The following WWOX variants were observed in gnomAD, a reference collection of about 807,000 sequenced individuals.
The protein encoded by WWOX is WW domain-containing oxidoreductase.
In WWOX, 69 loss-of-function variants were observed where a neutral mutation model predicts 46.2. The ratio of observed to expected loss-of-function variants is 1.49; its 90% CI spans 1.23 to 1.82. The LOEUF (loss-of-function observed/expected upper bound fraction) is 1.82, where lower values mean the gene tolerates loss of function less well. Among genes scored for constraint, WWOX ranks in the 40% most tolerant of loss-of-function variants. WWOX has a pLI of 0.00. For missense variants in WWOX, 919 were observed against 542.6 expected, an observed-to-expected ratio of 1.69 and a Z score of -6.89; for synonymous variants, 359 against 202.6, an observed-to-expected ratio of 1.77 and a Z score of -6.56.
At chr16:78,301,841 C>A (rs898419922) in intron 5 of WWOX, among the ~76,000 whole-genome samples, 3 of 152,166 alleles carry the variant, frequency 2.0e-5, no homozygotes, top group Non-Finnish European at 2.9e-5. Flanking sequence ...GCCTTTCTTC[C>A]ACCTTCTTGG....
chr16:78,384,096 C>A, intron 5 of WWOX, among the ~76,000 whole-genome samples: 1 of 152,094 alleles, frequency 6.6e-6, no homozygotes, highest in Non-Finnish European at 1.5e-5. Context: ...GAATGTTCTT[C>A]CTGTTTTATG....
At chr16:79,110,309 C>A (rs925048197) in intron 8 of WWOX, among the ~76,000 whole-genome samples, 3 of 152,144 alleles carry the variant, frequency 2.0e-5, no homozygotes, top group Non-Finnish European at 2.9e-5. Flanking sequence ...TCTCCTCTTA[C>A]CTTTTTCTCC....
At chr16:78,248,384 T>G (rs555577404) in intron 5 of WWOX, among the ~76,000 whole-genome samples, 2 of 152,262 alleles carry the variant, frequency 1.3e-5, no homozygotes, top group Admixed American at 1.3e-4. Context: ...GCATGAGAAA[T>G]CTGTCCGCAT....
intron 8 of WWOX, among the ~76,000 whole-genome samples, chr16:79,090,699 C>T (rs929683961): frequency 5.9e-5 from 9 of 152,228 alleles, no homozygotes; most frequent in Admixed American, 4.6e-4. Context: ...ATCAAGGTCC[C>T]GAGTGAGGCA....
At chr16:78,650,145 C>G (rs1277368536) in intron 8 of WWOX, among the ~76,000 whole-genome samples, 1 of 152,052 alleles carries the variant, frequency 6.6e-6, no homozygotes, top group Non-Finnish European at 1.5e-5. Flanking sequence ...CAAATGAACG[C>G]AGATTAAGGA....
intron 8 of WWOX, among the ~76,000 whole-genome samples, chr16:79,179,378 T>G (rs144987251): frequency 8.2e-4 from 125 of 152,316 alleles, no homozygotes; most frequent in Non-Finnish European, 1.4e-3. Context: ...GCAGACTTCT[T>G]GGGTACACTT....
At chr16:79,142,189 G>A (rs1409902130) in intron 8 of WWOX, among the ~76,000 whole-genome samples, 1 of 151,876 alleles carries the variant, frequency 6.6e-6, no homozygotes, top group African/African-American at 2.4e-5. Flanking sequence ...AGGGATGGAG[G>A]TGACCAAGCA....
intron 8 of WWOX, among the ~76,000 whole-genome samples, chr16:79,154,838 C>T (rs1429737463): frequency 6.6e-5 from 10 of 152,142 alleles, no homozygotes; most frequent in Admixed American, 5.9e-4. Context: ...TACACCTGTG[C>T]TTTTATAAAC....
intron 8 of WWOX, among the ~76,000 whole-genome samples, chr16:79,073,023 A>G (rs1173114049): frequency 2.6e-5 from 4 of 152,158 alleles, no homozygotes; most frequent in Non-Finnish European, 4.4e-5. Flanking sequence ...CAGCACACCC[A>G]TATCTAGACG....
At chr16:78,321,574 T>C (rs1443089368) in intron 5 of WWOX, among the ~76,000 whole-genome samples, 3 of 151,962 alleles carry the variant, frequency 2.0e-5, no homozygotes, top group African/African-American at 4.8e-5. Context: ...TTGAAGTCCT[T>C]AAATGGATGT....
intron 8 of WWOX, among the ~76,000 whole-genome samples, chr16:78,750,560 A>G (rs2049451598): frequency 6.6e-6 from 1 of 152,046 alleles, no homozygotes; most frequent in African/African-American, 2.4e-5. Flanking sequence ...AGATACTGAG[A>G]TTTGGGCTTC....
chr16:78,151,246 T>C (rs1344836224), intron 4 of WWOX, among the ~76,000 whole-genome samples: 1 of 152,094 alleles, frequency 6.6e-6, no homozygotes, highest in Non-Finnish European at 1.5e-5. Flanking sequence ...TCTTATTATA[T>C]CACAATATCA....
intron 5 of WWOX, among the ~76,000 whole-genome samples, chr16:78,294,003 A>C (rs930457094): frequency 1.2e-4 from 18 of 150,726 alleles, no homozygotes; most frequent in African/African-American, 4.1e-4. Flanking sequence ...AAAAAAAAAA[A>C]AAAAAAAGGC....
chr16:78,452,706 C>T (rs1427697173), intron 8 of WWOX, among the ~76,000 whole-genome samples: 3 of 151,230 alleles, frequency 2.0e-5, no homozygotes, highest in South Asian at 2.1e-4. Flanking sequence ...GAATTCCTGA[C>T]CTCCATGTGA....
At chr16:79,151,447 C>G (rs754466411) in intron 8 of WWOX, among the ~76,000 whole-genome samples, 1 of 152,224 alleles carries the variant, frequency 6.6e-6, no homozygotes, top group East Asian at 1.9e-4. Context: ...TTCCTCAGCA[C>G]TGGCTTGCAT....
At chr16:78,971,983 G>A (rs750114388) in intron 8 of WWOX, among the ~76,000 whole-genome samples, 3 of 152,158 alleles carry the variant, frequency 2.0e-5, no homozygotes, top group African/African-American at 4.8e-5. Flanking sequence ...TTCCCAGGCC[G>A]AGGTAGGAGT....
At chr16:78,908,856 G>A (rs538870612) in intron 8 of WWOX, among the ~76,000 whole-genome samples, 6 of 152,262 alleles carry the variant, frequency 3.9e-5, no homozygotes, top group East Asian at 3.9e-4. Flanking sequence ...ACTGATGTTC[G>A]GTTTTACCAT....
intron 8 of WWOX, among the ~76,000 whole-genome samples, chr16:79,046,160 C>T (rs2048061954): frequency 1.3e-5 from 2 of 152,122 alleles, no homozygotes; most frequent in South Asian, 4.2e-4. Context: ...CTGTGCTCAG[C>T]ACATGTTCAT....
intron 5 of WWOX, among the ~76,000 whole-genome samples, chr16:78,338,306 C>T (rs1187938763): frequency 8.2e-6 from 1 of 121,666 alleles, no homozygotes; most frequent in Non-Finnish European, 2.0e-5. Context: ...CCAACACCCT[C>T]ATGGATTCCC....
Sources: gnomAD v4.1 joint callset for allele counts (sites outside exome capture counted in the v4.1 genomes callset) on GRCh38, gnomAD v4.1.1 for gene constraint, MANE v1.5 for transcripts, NCBI Gene and HGNC (gene_info 2026-07-23, HGNC 2026-07-21) for gene names.